FAAP20: variants seen among roughly 807,000 people sequenced by gnomAD.
FAAP20 encodes FA core complex associated protein 20.
In FAAP20, 12 loss-of-function variants were observed where a neutral mutation model predicts 16.2. The ratio of observed to expected loss-of-function variants is 0.74; its 90% CI spans 0.48 to 1.20. The LOEUF (loss-of-function observed/expected upper bound fraction) is 1.20, where lower values mean the gene tolerates loss of function less well. FAAP20 is among the 50% of genes most tolerant of loss of function. The pLI, the probability that FAAP20 is intolerant of heterozygous loss-of-function variation, is 0.00. For synonymous variants in FAAP20, 141 were observed against 110.7 expected, an observed-to-expected ratio of 1.27 and a Z score of -1.72; for missense variants, 288 against 245.8, an observed-to-expected ratio of 1.17 and a Z score of -1.15.
chr1:2,197,396 C>T (rs1295845764), upstream of FAAP20, among the ~76,000 whole-genome samples: 3 of 152,196 alleles, frequency 2.0e-5, no homozygotes, highest in Non-Finnish European at 4.4e-5. Context: ...CCCGGGACAC[C>T]TGCGCTGCCC....
chr1:2,211,292 C>G (rs577407112), downstream of FAAP20, among the ~76,000 whole-genome samples: 371 of 133,934 alleles, frequency 2.8e-3, 1 homozygote, highest in Non-Finnish European at 4.5e-3. Flanking sequence ...TGCAGTCGCG[C>G]GATCTCGGCT....
At chr1:2,206,078 T>C (rs891818120) in intron 3 of FAAP20, among the ~76,000 whole-genome samples, 6 of 152,238 alleles carry the variant, frequency 3.9e-5, no homozygotes, top group African/African-American at 9.6e-5. Context: ...ATGGCCACTC[T>C]AGCATGGGAG....
At chr1:2,211,972 G>A (rs1407812036), downstream of FAAP20, among the ~76,000 whole-genome samples, 3 of 138,334 alleles carry the variant, frequency 2.2e-5, no homozygotes, top group Non-Finnish European at 3.0e-5. Flanking sequence ...GTGTGATCTC[G>A]GCTCACTGCA....
downstream of FAAP20, chr1:2,185,003 G>A (rs375012753): frequency 4.3e-6 from 7 of 1,612,428 alleles, no homozygotes; most frequent in South Asian, 1.1e-5. Flanking sequence ...CCGAGGAGTC[G>A]GTGTGAGGCC....
chr1:2,200,768 C>T, upstream of FAAP20: 1 of 999,100 alleles, frequency 1.0e-6, no homozygotes, highest in African/African-American at 1.7e-5. Context: ...TCCACCACAC[C>T]CGGAGCTGAG....
downstream of FAAP20, chr1:2,185,462 G>T (rs368130570): frequency 9.7e-6 from 7 of 718,648 alleles, no homozygotes; most frequent in Middle Eastern, 2.3e-4. Flanking sequence ...CCACACGTAG[G>T]GGGGCAGCTT....
At chr1:2,189,817 C>G (rs927954292) in intron 3 of FAAP20, 36 bp from the exon 4 acceptor site, 7 of 1,523,116 alleles carry the variant, frequency 4.6e-6, no homozygotes, top group Non-Finnish European at 5.5e-6. Context: ...CGGCCACCTC[C>G]GCGGCATGCT....
chr1:2,211,900 C>CTTTTTTTTTT (rs60874812), downstream of FAAP20, among the ~76,000 whole-genome samples: 1 of 99,012 alleles, frequency 1.0e-5, no homozygotes. Flanking sequence ...CAAGCTGCTG[C>CTTTTTTTTTT]TTTTTTTTTT....
chr1:2,200,851 C>G (rs1689021356), upstream of FAAP20: 1 of 1,063,576 alleles, frequency 9.4e-7, no homozygotes. Context: ...CCAAGTGGGC[C>G]AGGAAACCTC....
chr1:2,188,781 G>A (rs1308844709), downstream of FAAP20, among the ~76,000 whole-genome samples: 2 of 152,140 alleles, frequency 1.3e-5, no homozygotes, highest in African/African-American at 4.8e-5. Context: ...CGAGGCGGGC[G>A]GATCACGAGG....
chr1:2,189,341 A>C (rs1389517068), downstream of FAAP20, among the ~76,000 whole-genome samples: 2 of 151,044 alleles, frequency 1.3e-5, no homozygotes, highest in Non-Finnish European at 3.0e-5. Context: ...CAAAAAAAAA[A>C]AAACAAAAAA....
chr1:2,204,654 T>A (rs998941784), upstream of FAAP20, among the ~76,000 whole-genome samples: 7 of 151,746 alleles, frequency 4.6e-5, no homozygotes, highest in African/African-American at 1.5e-4. Context: ...TCCCTCCCAC[T>A]GCCCCTGACC....
chr1:2,192,542 G>C, intron 3 of FAAP20: 1 of 1,016,308 alleles, frequency 9.8e-7, no homozygotes, highest in Non-Finnish European at 1.2e-6. Flanking sequence ...GGGGGGCGGG[G>C]GGCAGCACCC....
intron 3 of FAAP20, chr1:2,192,206 C>A (rs1360297192): frequency 2.0e-6 from 2 of 985,956 alleles, no homozygotes; most frequent in Non-Finnish European, 2.4e-6. Flanking sequence ...GCTGTGCAAA[C>A]CCTTGTTCCC....
upstream of FAAP20, chr1:2,199,749 G>A (rs1688971832): frequency 1.6e-6 from 1 of 607,360 alleles, no homozygotes; most frequent in Non-Finnish European, 2.1e-6. The surrounding 1 kb of genome is among the most constrained non-coding windows in gnomAD (Gnocchi z 4.5). Flanking sequence ...GGTTAGGGTT[G>A]GCCCTGAATG....
chr1:2,193,288 C>G (rs1229041440), intron 3 of FAAP20: 3 of 464,826 alleles, frequency 6.5e-6, no homozygotes, highest in Non-Finnish European at 1.2e-5. Context: ...TTTTTAAAAC[C>G]CATGACGCAC....
At chr1:2,200,869 G>A, upstream of FAAP20, 7 of 1,078,520 alleles carry the variant, frequency 6.5e-6, no homozygotes, top group Non-Finnish European at 8.0e-6. Context: ...CTCTGCAGGT[G>A]GAGAGGGTGG....
At chr1:2,194,223 G>C in intron 1 of FAAP20, 90 bp from the exon 2 acceptor site, 1 of 1,506,564 alleles carries the variant, frequency 6.6e-7, no homozygotes, top group South Asian at 1.2e-5. Context: ...CAGAGAGAGC[G>C]GGGAGATGGG....
chr1:2,208,846 G>C (rs1689357826), downstream of FAAP20, among the ~76,000 whole-genome samples: 1 of 152,070 alleles, frequency 6.6e-6, no homozygotes, highest in South Asian at 2.1e-4. Flanking sequence ...AAAGTGTTCA[G>C]AAAAAAAATA....
Sources: gnomAD v4.1 joint callset for allele counts (sites outside exome capture counted in the v4.1 genomes callset) on GRCh38, gnomAD v4.1.1 for gene constraint, Gnocchi (gnomAD v3.1) non-coding constraint, MANE v1.5 for transcripts, NCBI Gene and HGNC (gene_info 2026-07-23, HGNC 2026-07-21) for gene names.